The following LNP1 variants were observed in gnomAD, a reference collection of about 807,000 sequenced individuals.
LNP1 encodes leukemia NUP98 fusion partner 1.
In LNP1, 12 loss-of-function variants were observed where a neutral mutation model predicts 14.5. The observed-to-expected ratio is 0.83, with a 90% CI of 0.53 to 1.34. The LOEUF is 1.34. Ranked by LOEUF, LNP1 falls within the 40% of genes most tolerant of loss-of-function variation. The pLI is 0.00. For synonymous variants in LNP1, 75 were observed against 71.4 expected, an observed-to-expected ratio of 1.05 and a Z score of -0.26; for missense variants, 198 against 210.9, an observed-to-expected ratio of 0.94 and a Z score of 0.38.
At chr3:100,429,908 G>T (rs764840120) in intron 2 of LNP1, 23 bp downstream of exon 2, 1 of 1,605,718 alleles carries the variant, frequency 6.2e-7, no homozygotes, top group Non-Finnish European at 8.5e-7. Context: ...CATGGAACCG[G>T]AGGGGAGAGC....
intron 1 of LNP1, among the ~76,000 whole-genome samples, chr3:100,428,101 T>C (rs1707211220): frequency 6.6e-6 from 1 of 152,212 alleles, no homozygotes; most frequent in Non-Finnish European, 1.5e-5. Flanking sequence ...GACTTTGTTT[T>C]TCTATTCCCC....
At chr3:100,430,820 A>C (rs929266610) in intron 2 of LNP1, among the ~76,000 whole-genome samples, 10 of 152,254 alleles carry the variant, frequency 6.6e-5, no homozygotes, top group African/African-American at 2.4e-4. Flanking sequence ...CCTGGTGATC[A>C]GCAAGTTTGA....
chr3:100,447,614 TA>T (rs34835983), intron 2 of LNP1, among the ~76,000 whole-genome samples: 54,665 of 150,622 alleles, frequency 0.36, 9,940 homozygotes, highest in South Asian at 0.43. Context: ...AAAAAAGAAT[TA>T]AAAAAAAAAT....
intron 2 of LNP1, among the ~76,000 whole-genome samples, chr3:100,439,627 T>A (rs933903726): frequency 6.6e-6 from 1 of 152,006 alleles, no homozygotes; most frequent in Non-Finnish European, 1.5e-5. Flanking sequence ...CCCACCCCAA[T>A]ATATATAGTT....
intron 2 of LNP1, among the ~76,000 whole-genome samples, chr3:100,433,174 C>T (rs1259136010): frequency 1.3e-5 from 2 of 151,994 alleles, no homozygotes; most frequent in Non-Finnish European, 2.9e-5. Context: ...GGTTTTAAGC[C>T]CTGCATGCAT....
intron 2 of LNP1, among the ~76,000 whole-genome samples, chr3:100,436,885 G>C (rs1332375304): frequency 2.0e-5 from 3 of 152,150 alleles, no homozygotes; most frequent in Non-Finnish European, 4.4e-5. Flanking sequence ...AGACATCAGA[G>C]AGCTTTTTCT....
chr3:100,444,339 C>A, intron 2 of LNP1, among the ~76,000 whole-genome samples: 1 of 152,294 alleles, frequency 6.6e-6, no homozygotes, highest in East Asian at 1.9e-4. Flanking sequence ...ATAATTATTA[C>A]TTATAATGTC....
At chr3:100,432,163 G>C (rs1441974652) in intron 2 of LNP1, among the ~76,000 whole-genome samples, 1 of 150,352 alleles carries the variant, frequency 6.7e-6, no homozygotes, top group Non-Finnish European at 1.5e-5. Context: ...CTTCTCTCCT[G>C]ACTGCTCTAA....
chr3:100,428,650 A>G (rs1470187466), intron 1 of LNP1, among the ~76,000 whole-genome samples: 2 of 152,186 alleles, frequency 1.3e-5, no homozygotes, highest in Non-Finnish European at 2.9e-5. Flanking sequence ...AATGCCCACT[A>G]AAAGACAGGG....
intron 2 of LNP1, among the ~76,000 whole-genome samples, chr3:100,445,640 A>G (rs1165074222): frequency 6.6e-6 from 1 of 152,212 alleles, no homozygotes; most frequent in Non-Finnish European, 1.5e-5. Context: ...ACCTAATAGT[A>G]TTATGACAAC....
chr3:100,430,030 C>T, intron 2 of LNP1, 145 bp downstream of exon 2: 1 of 777,668 alleles, frequency 1.3e-6, no homozygotes, highest in Non-Finnish European at 2.0e-6. Context: ...CCACAGAAAT[C>T]TCTCTTATTA....
At chr3:100,413,320 C>G (rs1219487330) in intron 1 of LNP1, among the ~76,000 whole-genome samples, 4 of 152,202 alleles carry the variant, frequency 2.6e-5, no homozygotes, top group Admixed American at 2.6e-4. Flanking sequence ...TCCATCAAAG[C>G]ATCAGTTGAG....
chr3:100,422,189 T>TG (rs1707149424), intron 1 of LNP1, among the ~76,000 whole-genome samples: 1 of 150,122 alleles, frequency 6.7e-6, no homozygotes, highest in African/African-American at 2.5e-5. Context: ...AGTCTTTTTT[T>TG]TTTTTTTTTT....
At chr3:100,423,338 C>A (rs935184774) in intron 1 of LNP1, among the ~76,000 whole-genome samples, 3 of 152,032 alleles carry the variant, frequency 2.0e-5, no homozygotes, top group African/African-American at 7.3e-5. Context: ...GCAACAACGG[C>A]ATGGCACTGG....
chr3:100,416,606 T>C (rs1283862140), intron 1 of LNP1, among the ~76,000 whole-genome samples: 10 of 126,320 alleles, frequency 7.9e-5, no homozygotes, highest in African/African-American at 4.0e-4. Context: ...TTTTTGTGTG[T>C]GTGTGTGTGT....
At chr3:100,448,735 T>C (rs893162953) in intron 2 of LNP1, among the ~76,000 whole-genome samples, 7 of 152,240 alleles carry the variant, frequency 4.6e-5, no homozygotes, top group Admixed American at 1.3e-4. Context: ...AGTGCTTTTA[T>C]TTTTCTTTAA....
At chr3:100,419,323 A>G (rs1348905541) in intron 1 of LNP1, among the ~76,000 whole-genome samples, 2 of 152,206 alleles carry the variant, frequency 1.3e-5, no homozygotes, top group Non-Finnish European at 1.5e-5. Context: ...TTTATTATGA[A>G]ATAATGACAA....
At chr3:100,452,799 A>G (rs2148909006) in intron 3 of LNP1, among the ~76,000 whole-genome samples, 1 of 152,320 alleles carries the variant, frequency 6.6e-6, no homozygotes, top group South Asian at 2.1e-4. Flanking sequence ...AATAGGGGGA[A>G]GAATAGAATC....
chr3:100,418,374 C>G (rs1362351180), intron 1 of LNP1, among the ~76,000 whole-genome samples: 1 of 151,834 alleles, frequency 6.6e-6, no homozygotes, highest in Non-Finnish European at 1.5e-5. Flanking sequence ...CACTTTGTAA[C>G]TATCATTTAG....
Sources: allele counts gnomAD v4.1 joint callset (sites outside exome capture counted in the v4.1 genomes callset), GRCh38; gene constraint gnomAD v4.1.1; transcripts MANE v1.5; gene names NCBI Gene and HGNC (gene_info 2026-07-23, HGNC 2026-07-21).